Variants in CSMD1 observed in about 807,000 individuals in gnomAD.
CSMD1 encodes CUB and sushi domain-containing protein 1.
A neutral mutation model predicts 417.5 loss-of-function variants in CSMD1; 213 were observed. The ratio of observed to expected loss-of-function variants is 0.51; its 90% CI spans 0.46 to 0.57. The LOEUF is 0.57. Among genes scored for constraint, CSMD1 ranks in the 20% least tolerant of loss-of-function variants. CSMD1 has a pLI of 0.00. For synonymous variants in CSMD1, 2,862 were observed against 1,736.8 expected (o/e 1.65, Z -16.11); for missense variants, 6,923 against 4,529.7 (o/e 1.53, Z -15.17).
At chr8:4,219,644 C>T (rs763235984) in intron 3 of CSMD1, among the ~76,000 whole-genome samples, 1 of 152,174 alleles carries the variant, frequency 6.6e-6, no homozygotes. Flanking sequence ...AATCTTTGTT[C>T]ACTAATGAAG....
intron 11 of CSMD1, among the ~76,000 whole-genome samples, chr8:3,492,016 G>A (rs1818406690): frequency 6.6e-6 from 1 of 152,216 alleles, no homozygotes; most frequent in Non-Finnish European, 1.5e-5. Context: ...GGGCAAATGG[G>A]AGGGGTAGGA....
At chr8:4,167,876 T>G (rs1159287935) in intron 3 of CSMD1, among the ~76,000 whole-genome samples, 1 of 151,964 alleles carries the variant, frequency 6.6e-6, no homozygotes, top group Non-Finnish European at 1.5e-5. Context: ...GCCTGTAATC[T>G]CAGCACTTTG....
In CSMD1 at chr8:3,117,986, C is replaced by T. The variant is rs368133014; in HGVS notation, c.6430+413G>A. Among the ~76,000 whole-genome samples, 35 of 152,204 alleles carry T rather than the reference C, an allele frequency of 2.3e-4. 1 individual carries two copies. The South Asian group carries it at 7.1e-3, about 31-fold the overall frequency. ...AATCAATATGAAATTATTATAAAAG[C>T]TAAACAAAAAGAAACACCAAGGATC... On this transcript the variant is annotated intron_variant, in intron 42 of 69. Transcript: ENST00000635120.
intron 3 of CSMD1, among the ~76,000 whole-genome samples, chr8:4,069,091 T>G (rs536603912): frequency 2.6e-5 from 4 of 152,348 alleles, no homozygotes; most frequent in Non-Finnish European, 4.4e-5. Flanking sequence ...TTAGACTTTG[T>G]CATGGACTCC....
chr8:3,904,965 T>C (rs1563196807), intron 5 of CSMD1, among the ~76,000 whole-genome samples: 1 of 152,062 alleles, frequency 6.6e-6, no homozygotes, highest in Non-Finnish European at 1.5e-5. Context: ...TTATCTGACA[T>C]TTAAGGTCAA....
At position 3,284,180 on chromosome 8, in the gene CSMD1, A is replaced by G; in HGVS notation, c.4117T>C (p.Phe1373Leu). The change falls in exon 26 of 70, where the codon TTC becomes CTC. Residue 1373 changes from phenylalanine (F) to leucine (L), a missense_variant. Coordinates refer to ENST00000635120, the MANE Select transcript of CSMD1 (RefSeq NM_033225.6). ...ATGGAGAAGCCAGACTTGCTGATGA[A>G]GAAGTCGCTGTCGAACTGCAGGGTG... ...SLTLQFDSDF[F>L]ISKSGFSIQF... 2 of 1,589,608 alleles carry G rather than the reference A, an allele frequency of 1.3e-6. No individual in the cohort carries two copies. The highest frequency in any genetic ancestry group is 1.7e-6 in the Non-Finnish European group (2 of 1,168,296).
chr8:4,131,863 C>A (rs755257762), intron 3 of CSMD1, among the ~76,000 whole-genome samples: 1 of 146,350 alleles, frequency 6.8e-6, no homozygotes, highest in East Asian at 2.1e-4. Context: ...CCCAGGTTCA[C>A]GCCATTCTCC....
chr8:3,344,361 G>C (rs1208341525), intron 22 of CSMD1, among the ~76,000 whole-genome samples: 1 of 152,198 alleles, frequency 6.6e-6, no homozygotes, highest in Non-Finnish European at 1.5e-5. Context: ...TTAAAACCTA[G>C]ATGATGGGTT....
chr8:3,885,988 TATATATATGTGTACATATATATGTGTAC>T (rs557256412), intron 5 of CSMD1, among the ~76,000 whole-genome samples: 1 of 151,972 alleles, frequency 6.6e-6, no homozygotes, highest in South Asian at 2.1e-4. Context: ...ATTCAAATTA[TATATATATGTGTACATATATATGTGTAC>T]ATATATATAC....
chr8:4,833,818 C>T (rs1438999602), intron 1 of CSMD1, among the ~76,000 whole-genome samples: 1 of 152,232 alleles, frequency 6.6e-6, no homozygotes, highest in Admixed American at 6.5e-5. Flanking sequence ...AAAAGGGAGA[C>T]TTCCAATCAA....
chr8:3,226,480 G>T (rs1040154337), intron 27 of CSMD1, among the ~76,000 whole-genome samples: 1 of 151,682 alleles, frequency 6.6e-6, no homozygotes, highest in African/African-American at 2.4e-5. Context: ...CTACTCAGGA[G>T]GCTGAGGCAG....
At chr8:3,881,987 A>G (rs1314003659) in intron 5 of CSMD1, among the ~76,000 whole-genome samples, 7 of 152,202 alleles carry the variant, frequency 4.6e-5, no homozygotes, top group Admixed American at 4.6e-4. Context: ...CCAATAACCA[A>G]TCACGAGAGA....
intron 25 of CSMD1, among the ~76,000 whole-genome samples, chr8:3,294,161 G>T (rs895648501): frequency 6.6e-6 from 1 of 152,230 alleles, no homozygotes; most frequent in African/African-American, 2.4e-5. Flanking sequence ...AACAGCAAAT[G>T]CTGCTGTCTG....
intron 1 of CSMD1, among the ~76,000 whole-genome samples, chr8:4,920,966 GAA>G (rs200110316): frequency 1.2e-4 from 1 of 8,418 alleles, no homozygotes; most frequent in Admixed American, 2.1e-3. Flanking sequence ...AAGAAAGAAA[GAA>G]AGAAAGAAAG....
chr8:4,669,166 T>A (rs142624890), intron 1 of CSMD1, among the ~76,000 whole-genome samples: 20 of 152,324 alleles, frequency 1.3e-4, no homozygotes, highest in African/African-American at 4.8e-4. Flanking sequence ...CCTTTAGGGC[T>A]GGGATGTGAA....
In CSMD1 at chr8:3,343,323, G is replaced by C; in HGVS notation, c.3602C>G (p.Thr1201Ser). ...WLEFNTNGSD[T>S]DQGFQLTYTS... ...ATAGGTGAGTTGAAAACCTTGGTCGGTGTCAGATCCATTGGTGTTGAACTC... is the reference window on the plus strand; with the variant it reads ...ATAGGTGAGTTGAAAACCTTGGTCGCTGTCAGATCCATTGGTGTTGAACTC... Residue 1201 changes from threonine to serine, a missense_variant, in exon 23 of 70, where the codon ACC (threonine) becomes AGC (serine). Physicochemically the swap from Thr to Ser is moderately conservative, Grantham distance 58. Coordinates refer to ENST00000635120, the MANE Select transcript of CSMD1 (RefSeq NM_033225.6). 6.2e-7 allele frequency: 1 copy of C among 1,613,726 alleles called. No homozygotes were observed. Among genetic ancestry groups the C allele is most frequent in the Non-Finnish European group, 8.5e-7 (1 of 1,179,688 alleles).
intron 2 of CSMD1, among the ~76,000 whole-genome samples, chr8:4,450,785 T>C (rs2129815894): frequency 6.6e-6 from 1 of 152,314 alleles, no homozygotes; most frequent in African/African-American, 2.4e-5. Context: ...GTATTGTATT[T>C]TCATTTTGCT....
intron 3 of CSMD1, among the ~76,000 whole-genome samples, chr8:4,407,537 A>G (rs189144922): frequency 9.4e-4 from 143 of 152,314 alleles, no homozygotes; most frequent in African/African-American, 3.2e-3. Flanking sequence ...CAGAGTACAG[A>G]TATCTTGTGC....
intron 1 of CSMD1, among the ~76,000 whole-genome samples, chr8:4,798,085 A>C (rs997719369): frequency 6.6e-6 from 1 of 152,196 alleles, no homozygotes; most frequent in Non-Finnish European, 1.5e-5. Flanking sequence ...AGTATGTGTA[A>C]ATGTGCCATG....
Sources: allele counts gnomAD v4.1 joint callset (sites outside exome capture counted in the v4.1 genomes callset), GRCh38; gene constraint gnomAD v4.1.1; transcripts MANE v1.5; gene names NCBI Gene and HGNC (gene_info 2026-07-23, HGNC 2026-07-21).